The following GRB10 variants were observed in gnomAD, a reference collection of about 807,000 sequenced individuals.
The protein encoded by GRB10 is growth factor receptor bound protein 10.
GRB10 carries 20 observed loss-of-function variants against 80.9 expected under a neutral mutation model. That is an observed-to-expected ratio of 0.25 (90% CI 0.17 to 0.36). The LOEUF (loss-of-function observed/expected upper bound fraction) is 0.36. GRB10 is among the 10% of genes least tolerant of loss of function. GRB10 has a pLI of 1.00. For missense variants in GRB10, 548 were observed against 747.7 expected (o/e 0.73, Z 3.12); for synonymous variants, 291 against 291.5 (o/e 1.00, Z 0.02).
intron 5 of GRB10, among the ~76,000 whole-genome samples, chr7:50,692,326 T>C (rs1025648065): frequency 4.6e-5 from 7 of 152,114 alleles, no homozygotes; most frequent in African/African-American, 1.4e-4. Flanking sequence ...ATATATATAA[T>C]GAATAAAATC....
intron 17 of GRB10, among the ~76,000 whole-genome samples, chr7:50,597,358 G>A (rs775775573): frequency 2.6e-5 from 4 of 152,312 alleles, no homozygotes; most frequent in South Asian, 2.1e-4. Flanking sequence ...GGGAACACGC[G>A]GCACCGCCAG....
chr7:50,693,880 G>A (rs1009590550), intron 5 of GRB10, among the ~76,000 whole-genome samples: 10 of 151,972 alleles, frequency 6.6e-5, no homozygotes, highest in Admixed American at 6.6e-4. Context: ...AACCACACCA[G>A]CAAGGAGAAA....
intron 5 of GRB10, among the ~76,000 whole-genome samples, chr7:50,694,314 ACT>A (rs959173113): frequency 2.6e-5 from 4 of 152,044 alleles, no homozygotes; most frequent in African/African-American, 7.3e-5. Flanking sequence ...TCAGAGCGAG[ACT>A]CTGTCTCAAA....
At chr7:50,649,892 T>C (rs892672364) in intron 7 of GRB10, among the ~76,000 whole-genome samples, 2 of 152,224 alleles carry the variant, frequency 1.3e-5, no homozygotes, top group Admixed American at 6.5e-5. Context: ...CTATATTTTC[T>C]TTTGTTAAAT....
At chr7:50,701,910 C>T (rs1450401019) in intron 5 of GRB10, among the ~76,000 whole-genome samples, 1 of 150,778 alleles carries the variant, frequency 6.6e-6, no homozygotes, top group Non-Finnish European at 1.5e-5. Context: ...GCCATGGTCA[C>T]ACTTTTTTTT....
intron 3 of GRB10, among the ~76,000 whole-genome samples, chr7:50,743,320 CAG>C (rs2072238388): frequency 6.6e-6 from 1 of 152,232 alleles, no homozygotes; most frequent in South Asian, 2.1e-4. Flanking sequence ...CAAGCATCTA[CAG>C]TTCCTTCCAC....
At chr7:50,705,268 G>A in intron 4 of GRB10, 6 of 985,770 alleles carry the variant, frequency 6.1e-6, no homozygotes, top group Non-Finnish European at 7.2e-6. Flanking sequence ...CCACTTAGAA[G>A]GAGGATGTTT....
At chr7:50,715,799 T>C (rs1191435096) in intron 4 of GRB10, among the ~76,000 whole-genome samples, 1 of 152,254 alleles carries the variant, frequency 6.6e-6, no homozygotes, top group African/African-American at 2.4e-5. Context: ...AAGGATTAGA[T>C]GTACCCTCTC....
chr7:50,669,613 T>A lies in GRB10; in HGVS notation c.504+109A>T. ...ACAAGAAAAGAACTGAGAGAGAAGA[T>A]CCCAGGACTTCCCGCCCTTCTTCCC... On this transcript the variant is annotated intron_variant, in intron 7 of 18. Coordinates refer to ENST00000401949, the MANE Select transcript of GRB10 (RefSeq NM_001350814.2). The A allele has an allele frequency of 7.7e-6, 8 of 1,043,954 alleles. No individual in the cohort carries two copies. In the South Asian group the frequency reaches 1.1e-4, roughly 14 times the overall value. 64.7% of individuals were successfully genotyped at this position (1,043,954 alleles called of 1,614,324 possible).
chr7:50,788,852 G>A (rs540810423), intron 1 of GRB10, among the ~76,000 whole-genome samples: 2 of 152,150 alleles, frequency 1.3e-5, no homozygotes, highest in African/African-American at 4.8e-5. Context: ...GACACCAACC[G>A]TGGGGGCCTG....
chr7:50,630,484 C>T (rs749328147), intron 7 of GRB10, among the ~76,000 whole-genome samples: 1 of 152,162 alleles, frequency 6.6e-6, no homozygotes, highest in Non-Finnish European at 1.5e-5. Context: ...TTGGATCCAC[C>T]GTGGATCTGG....
At chr7:50,652,224 A>T (rs2058077629) in intron 7 of GRB10, among the ~76,000 whole-genome samples, 2 of 152,238 alleles carry the variant, frequency 1.3e-5, no homozygotes, top group East Asian at 3.8e-4. Context: ...TACCATCTAT[A>T]ATAAAAGAAT....
In GRB10 at chr7:50,619,302, T is replaced by A. The variant is rs777350668; in HGVS notation, c.662-17A>T. On this transcript the variant is annotated splice_polypyrimidine_tract_variant and intron_variant, in intron 8 of 18. Coordinates refer to ENST00000401949, the MANE Select transcript of GRB10 (RefSeq NM_001350814.2). ...AGCACCTCTCTGCAGGGGCAAAGCATCACGTGTGAGACGCAACAGGTGGGA... is the reference window on the plus strand; with the variant it reads ...AGCACCTCTCTGCAGGGGCAAAGCAACACGTGTGAGACGCAACAGGTGGGA... 4 of 1,476,220 alleles carry A rather than the reference T, an allele frequency of 2.7e-6. No individual in the cohort carries two copies. The South Asian group carries it at 4.5e-5, about 17-fold the overall frequency. 91.4% of individuals were successfully genotyped at this position (1,476,220 alleles called of 1,614,324 possible). A position where few individuals can be genotyped will look rare whatever the true frequency, so the allele number is the denominator to read the frequency against.
At chr7:50,762,908 G>A (rs2075915302) in intron 2 of GRB10, among the ~76,000 whole-genome samples, 2 of 152,196 alleles carry the variant, frequency 1.3e-5, no homozygotes, top group Admixed American at 1.3e-4. Flanking sequence ...ATGAGGTCAG[G>A]AGATGGAGAC....
intron 3 of GRB10, among the ~76,000 whole-genome samples, chr7:50,735,316 G>T (rs960573897): frequency 2.6e-5 from 4 of 152,146 alleles, no homozygotes; most frequent in African/African-American, 4.8e-5. Context: ...TAAATAAACG[G>T]TAAGACATGC....
chr7:50,632,728 T>A (rs2054237214), intron 7 of GRB10, among the ~76,000 whole-genome samples: 1 of 151,978 alleles, frequency 6.6e-6, no homozygotes, highest in African/African-American at 2.4e-5. Flanking sequence ...GTTGGGGGAG[T>A]GTGAGCTGGC....
intron 7 of GRB10, 97 bp from the exon 8 acceptor site, chr7:50,627,075 G>C (rs999007373): frequency 2.4e-6 from 3 of 1,258,096 alleles, no homozygotes; most frequent in Admixed American, 3.4e-5. Context: ...AAAAATAGTA[G>C]TGCTCCAACA....
chr7:50,716,738 C>G (rs1193254873), intron 4 of GRB10, among the ~76,000 whole-genome samples: 2 of 152,188 alleles, frequency 1.3e-5, no homozygotes, highest in Non-Finnish European at 2.9e-5. Context: ...CCCCTCCCTC[C>G]ATCCCCAGTG....
intron 3 of GRB10, among the ~76,000 whole-genome samples, chr7:50,749,076 C>T (rs1001820054): frequency 4.0e-5 from 6 of 151,418 alleles, no homozygotes; most frequent in Non-Finnish European, 8.8e-5. Flanking sequence ...TTTACAAACA[C>T]GTTAGTCAAT....
Sources: gnomAD v4.1 joint callset for allele counts (sites outside exome capture counted in the v4.1 genomes callset) on GRCh38, gnomAD v4.1.1 for gene constraint, MANE v1.5 for transcripts, NCBI Gene and HGNC (gene_info 2026-07-23, HGNC 2026-07-21) for gene names.